The following PPP1R14C variants were observed in gnomAD, a reference collection of about 807,000 sequenced individuals.
The protein encoded by PPP1R14C is protein phosphatase 1 regulatory subunit 14C.
A neutral mutation model predicts 20.4 loss-of-function variants in PPP1R14C; 16 were observed. The observed-to-expected ratio is 0.78, with a 90% CI of 0.53 to 1.19. The LOEUF is 1.19. Among genes scored for constraint, PPP1R14C ranks in the 50% most tolerant of loss-of-function variants. The probability of loss-of-function intolerance (pLI) is 0.00; values close to 1 mark genes in which losing one functional copy is unlikely to be tolerated. For missense variants in PPP1R14C, 211 were observed against 220.1 expected (o/e 0.96, Z 0.26); for synonymous variants, 91 against 91.0 (o/e 1.00, Z 0.00).
At chr6:150,221,463 C>G (rs1778166637) in intron 3 of PPP1R14C, among the ~76,000 whole-genome samples, 3 of 152,208 alleles carry the variant, frequency 2.0e-5, no homozygotes, top group African/African-American at 7.2e-5. Context: ...GTGTTCTTTT[C>G]TAAGCAGGGA....
chr6:150,206,499 G>A (rs914835001), intron 1 of PPP1R14C, among the ~76,000 whole-genome samples: 17 of 152,182 alleles, frequency 1.1e-4, no homozygotes, highest in Non-Finnish European at 2.1e-4. Context: ...GACGTAACCC[G>A]TGATGTGCAT....
intron 1 of PPP1R14C, among the ~76,000 whole-genome samples, chr6:150,213,330 CT>C (rs1251584291): frequency 6.8e-6 from 1 of 146,446 alleles, no homozygotes; most frequent in African/African-American, 2.6e-5. Flanking sequence ...TACTGGGGTC[CT>C]CACTTTTGTG....
At chr6:150,151,936 A>T (rs1021334746) in intron 1 of PPP1R14C, among the ~76,000 whole-genome samples, 2 of 151,842 alleles carry the variant, frequency 1.3e-5, no homozygotes, top group Admixed American at 6.6e-5. Flanking sequence ...CCGGCTAAAA[A>T]GGTGAAACCC....
At chr6:150,195,768 T>C in intron 1 of PPP1R14C, 1 of 889,720 alleles carries the variant, frequency 1.1e-6, no homozygotes, top group Non-Finnish European at 1.3e-6. Context: ...TCCCCACCAT[T>C]CATCTCCCGA....
chr6:150,237,973 C>T (rs564419465), intron 3 of PPP1R14C, among the ~76,000 whole-genome samples: 6 of 152,252 alleles, frequency 3.9e-5, no homozygotes, highest in African/African-American at 1.4e-4. Flanking sequence ...CTTCTTGCAT[C>T]ATTATACGAT....
intron 1 of PPP1R14C, among the ~76,000 whole-genome samples, chr6:150,147,199 A>T (rs1777189855): frequency 7.3e-6 from 1 of 137,652 alleles, no homozygotes; most frequent in South Asian, 2.4e-4. Flanking sequence ...TGTTTTTTTG[A>T]GATGAAGTCT....
In PPP1R14C at chr6:150,201,132, G is replaced by C. The variant is rs1425793814; in HGVS notation, c.307-13612G>C. On this transcript the variant is annotated intron_variant, in intron 1 of 3. Transcript: ENST00000361131. This position sits in a 1 kb window ranked among gnomAD's most constrained non-coding sequence, Gnocchi z 4.2. ...GGCAGGATACTCAGACATTCCATCT[G>C]TAAATAGAGATGATGATAATACTCA... 6.6e-6 allele frequency among the ~76,000 whole-genome samples: 1 copy of C among 152,204 alleles called. No individual in the cohort carries two copies. The highest frequency in any genetic ancestry group is 1.5e-5 in the Non-Finnish European group (1 of 68,044).
chr6:150,206,060 C>T (rs1777945994), intron 1 of PPP1R14C, among the ~76,000 whole-genome samples: 2 of 152,110 alleles, frequency 1.3e-5, no homozygotes, highest in Admixed American at 1.3e-4. Context: ...TGTCCCTTCC[C>T]CCACCATGGC....
intron 3 of PPP1R14C, among the ~76,000 whole-genome samples, chr6:150,218,571 A>G (rs1024918442): frequency 2.1e-4 from 30 of 143,974 alleles, no homozygotes; most frequent in African/African-American, 7.2e-4. Flanking sequence ...TATTATATTT[A>G]TGTATTGTAT....
At chr6:150,146,584 C>G (rs1022513344) in intron 1 of PPP1R14C, among the ~76,000 whole-genome samples, 4 of 152,154 alleles carry the variant, frequency 2.6e-5, no homozygotes, top group African/African-American at 9.7e-5. Context: ...TTGGTACAGT[C>G]CCACCTGGTA....
Position 150,242,275 on chromosome 6 carries a change from A to G in PPP1R14C, c.424-6471A>G, listed in dbSNP as rs190141765. Among the ~76,000 whole-genome samples, 159 of 152,372 alleles carry G rather than the reference A, an allele frequency of 1.0e-3. 1 individual carries two copies. Among genetic ancestry groups the G allele is most frequent in the African/African-American group, 3.6e-3 (150 of 41,590 alleles). On this transcript the variant is annotated intron_variant, in intron 3 of 3. Transcript: ENST00000361131. ...GAAGGAATACTTCCCAACTCATGCT[A>G]TGAAGCTGGCAATACCCTGATACTA... is the stretch of plus-strand genomic sequence containing the variant.
intron 1 of PPP1R14C, among the ~76,000 whole-genome samples, chr6:150,174,259 G>A (rs55801184): frequency 0.12 from 17,729 of 151,940 alleles, 1,226 homozygotes; most frequent in Non-Finnish European, 0.16. Context: ...TCCCTCTGTC[G>A]CCCAGGCTGG....
At position 150,177,536 on chromosome 6, in the gene PPP1R14C, G is replaced by T. The variant is rs1235582950; in HGVS notation, c.306+34038G>T. Reference sequence around the variant, plus strand: ...CCTGTGGAGCTTCCATGCAGATCCGGTGGTCACAGATAGCCTTACTGTTCC... The same window carrying T: ...CCTGTGGAGCTTCCATGCAGATCCGTTGGTCACAGATAGCCTTACTGTTCC... On this transcript the variant is annotated intron_variant, in intron 1 of 3. Coordinates refer to ENST00000361131, the MANE Select transcript of PPP1R14C (RefSeq NM_030949.3). Among the ~76,000 whole-genome samples the T allele has an allele frequency of 4.6e-5, 7 of 152,310 alleles. No individual in the cohort carries two copies. The East Asian group carries it at 1.3e-3, about 29-fold the overall frequency.
intron 3 of PPP1R14C, among the ~76,000 whole-genome samples, chr6:150,236,399 A>G (rs1424048174): frequency 6.6e-6 from 1 of 152,224 alleles, no homozygotes; most frequent in African/African-American, 2.4e-5. Flanking sequence ...AATGCATTAA[A>G]AAGGTCCATG....
At chr6:150,151,537 G>A (rs1004892480) in intron 1 of PPP1R14C, among the ~76,000 whole-genome samples, 22 of 151,998 alleles carry the variant, frequency 1.4e-4, no homozygotes, top group Non-Finnish European at 2.6e-4. Context: ...TTCAAATTAC[G>A]GCAACCACTC....
intron 1 of PPP1R14C, among the ~76,000 whole-genome samples, chr6:150,190,333 G>T (rs1337611970): frequency 6.6e-6 from 1 of 151,524 alleles, no homozygotes; most frequent in East Asian, 1.9e-4. Flanking sequence ...TTTTCTCCAC[G>T]GCACTTCCTC....
At position 150,171,307 on chromosome 6, in the gene PPP1R14C, C is replaced by G. The variant is rs542374292; in HGVS notation, c.306+27809C>G. Among the ~76,000 whole-genome samples, 8 of 152,294 alleles carry G rather than the reference C, an allele frequency of 5.3e-5. No individual in the cohort carries two copies. In the South Asian group the frequency reaches 1.7e-3, roughly 32 times the overall value. ...AACAGTGGTCTCTAGTGAGCTGGTA[C>G]AAGCCAGCTCCATTCAGCACACCAT... On this transcript the variant is annotated intron_variant, in intron 1 of 3. Transcript: ENST00000361131.
intron 1 of PPP1R14C, among the ~76,000 whole-genome samples, chr6:150,147,753 C>T (rs1180186729): frequency 6.6e-6 from 1 of 152,210 alleles, no homozygotes; most frequent in Non-Finnish European, 1.5e-5. Context: ...CTTAGTAGGT[C>T]TTTCCCTTTG....
Position 150,143,602 on chromosome 6 carries a change from TC to T in PPP1R14C, c.306+107del. 2.5e-6 allele frequency: 2 copies of T among 815,170 alleles called. No individual in the cohort carries two copies. The highest frequency in any genetic ancestry group is 3.8e-6 in the Non-Finnish European group (2 of 531,540). 50.5% of individuals were successfully genotyped at this position (815,170 alleles called of 1,614,324 possible). On this transcript the variant is annotated intron_variant, in intron 1 of 3. Transcript: ENST00000361131. The surrounding 1 kb of genome is among the most constrained non-coding windows in gnomAD (Gnocchi z 5.6). ...GCTCCGGGGCGCGCATGTCCCTGAC[TC>T]CCGGGGACCAAGTGCCAGGAGCGAG...
Sources: allele counts gnomAD v4.1 joint callset (sites outside exome capture counted in the v4.1 genomes callset), GRCh38; gene constraint gnomAD v4.1.1; non-coding constraint Gnocchi (gnomAD v3.1); transcripts MANE v1.5; gene names NCBI Gene and HGNC (gene_info 2026-07-23, HGNC 2026-07-21).